GPR35: variants seen among roughly 807,000 people sequenced by gnomAD.
The protein encoded by GPR35 is G protein-coupled receptor 35.
For synonymous variants in GPR35, 207 were observed against 198.4 expected, an observed-to-expected ratio of 1.04 and a Z score of -0.36; for missense variants, 372 against 422.5, an observed-to-expected ratio of 0.88 and a Z score of 1.05.
intron 2 of GPR35, among the ~76,000 whole-genome samples, chr2:240,613,723 AT>A (rs1299374640): frequency 6.6e-6 from 1 of 151,982 alleles, no homozygotes; most frequent in African/African-American, 2.4e-5. Context: ...CTTAAAGCTA[AT>A]TAACAATGCC....
Position 240,617,491 on chromosome 2 carries a change from A to G in GPR35, c.-149+98A>G. 6.2e-6 allele frequency: 3 copies of G among 484,678 alleles called. No individual in the cohort carries two copies. In the East Asian group the frequency reaches 1.1e-4, roughly 17 times the overall value. 30.0% of individuals were successfully genotyped at this position (484,678 alleles called of 1,614,324 possible). On this transcript the variant is annotated intron_variant, in intron 4 of 5. Coordinates refer to the GPR35 transcript ENST00000319838. ...GTTTCATTCATCCATCAGGGTTTGC[A>G]AAGTAGTGATATTCTACTTCTGTCT...
At chr2:240,624,842 G>C (rs2043350682), upstream of GPR35, among the ~76,000 whole-genome samples, 1 of 151,862 alleles carries the variant, frequency 6.6e-6, no homozygotes, top group Admixed American at 6.6e-5. Flanking sequence ...TTCTAGACCA[G>C]ATAGGGGTGG....
upstream of GPR35, among the ~76,000 whole-genome samples, chr2:240,621,332 A>G (rs768965715): frequency 3.9e-5 from 6 of 151,992 alleles, no homozygotes; most frequent in Non-Finnish European, 8.8e-5. Flanking sequence ...TCGGCTCACC[A>G]CAACCTCCGC....
At position 240,630,870 on chromosome 2, in the gene GPR35, G is replaced by A. The variant is rs765923821; in HGVS notation, c.918G>A (p.Val306=). The change falls in exon 2 of 2, where the codon GTG becomes GTA. Residue 306 remains valine (V), a synonymous_variant. Coordinates refer to ENST00000407714, the MANE Select transcript of GPR35 (RefSeq NM_005301.5). ...KAHKSQDSLC[V]TLA is the part of the protein sequence containing the mutation. The stretch of plus-strand genomic sequence containing the variant: ...ACAAAAGCCAGGACTCTCTGTGCGT[G>A]ACCCTCGCCTAAGAGGCGTGCTGTG... 6.2e-7 allele frequency: 1 copy of A among 1,611,710 alleles called. No individual in the cohort carries two copies. The highest frequency in any genetic ancestry group is 2.2e-5 in the East Asian group (1 of 44,836).
At chr2:240,620,029 C>T (rs562646243) in intron 5 of GPR35, among the ~76,000 whole-genome samples, 9 of 152,278 alleles carry the variant, frequency 5.9e-5, no homozygotes, top group Non-Finnish European at 1.0e-4. Flanking sequence ...GAGCCTTGTG[C>T]AGAGGAAGGG....
Position 240,632,376 on chromosome 2 carries a change from G to T in GPR35, c.*1494G>T, listed in dbSNP as rs558905398. On this transcript the variant is annotated 3_prime_UTR_variant, in exon 2 of 2. Coordinates refer to ENST00000407714, the MANE Select transcript of GPR35 (RefSeq NM_005301.5). ...GTCCAGGAGGCTCCATGCCCAGGAG[G>T]CTCCATGTCAAGAAAGATTCATGCC... 1.1e-3 allele frequency among the ~76,000 whole-genome samples: 162 copies of T among 152,052 alleles called. 1 individual carries two copies. Among genetic ancestry groups the T allele is most frequent in the Non-Finnish European group, 1.8e-3 (122 of 67,962 alleles).
At chr2:240,615,032 CTG>C (rs764553824) in intron 2 of GPR35, among the ~76,000 whole-genome samples, 10 of 151,742 alleles carry the variant, frequency 6.6e-5, no homozygotes, top group East Asian at 5.8e-4. Context: ...TGTGATGTGT[CTG>C]TTTTTATGTG....
chr2:240,619,359 G>A lies in GPR35; in HGVS notation c.-5+328G>A, dbSNP rs527828192. Among the ~76,000 whole-genome samples the A allele has an allele frequency of 2.0e-5, 3 of 152,362 alleles. No homozygotes were observed. The East Asian group carries it at 5.8e-4, about 29-fold the overall frequency. Reference sequence around the variant, plus strand: ...GGAGCAATTTACATCTCCTCTGTGAGCGTCTACTCCCATCTCTATCAGCAG... The same window carrying A: ...GGAGCAATTTACATCTCCTCTGTGAACGTCTACTCCCATCTCTATCAGCAG... On this transcript the variant is annotated intron_variant, in intron 5 of 5. Coordinates refer to the GPR35 transcript ENST00000319838.
chr2:240,619,797 C>T (rs1460356307), intron 5 of GPR35, among the ~76,000 whole-genome samples: 1 of 152,224 alleles, frequency 6.6e-6, no homozygotes, highest in African/African-American at 2.4e-5. Context: ...TGGCAGGCGG[C>T]CTCAGGCAGG....
chr2:240,624,635 C>T (rs2043348073), upstream of GPR35, among the ~76,000 whole-genome samples: 1 of 152,174 alleles, frequency 6.6e-6, no homozygotes, highest in South Asian at 2.1e-4. Flanking sequence ...CAGCCTATCC[C>T]AGCCGTTGAG....
intron 2 of GPR35, among the ~76,000 whole-genome samples, chr2:240,614,327 C>T (rs1049027525): frequency 1.3e-5 from 2 of 152,220 alleles, no homozygotes; most frequent in African/African-American, 4.8e-5. Flanking sequence ...AATTCTAACC[C>T]TAACTCCAAT....
intron 2 of GPR35, among the ~76,000 whole-genome samples, chr2:240,612,676 T>C (rs1283152887): frequency 6.6e-6 from 1 of 152,172 alleles, no homozygotes; most frequent in Non-Finnish European, 1.5e-5. Context: ...TCAGAGGAAT[T>C]TGCAAGACTG....
intron 5 of GPR35, chr2:240,619,104 C>A: frequency 1.5e-6 from 1 of 669,832 alleles, no homozygotes; most frequent in African/African-American, 1.8e-5. Flanking sequence ...AAAGATATTG[C>A]CAAATCCACC....
rs955459358 is a variant in GPR35 at position 240,630,430 on chromosome 2, G to A, written c.478G>A (p.Gly160Ser). The A allele has an allele frequency of 1.2e-5, 20 of 1,612,626 alleles. No individual in the cohort carries two copies. The highest frequency in any genetic ancestry group is 4.5e-5 in the East Asian group (2 of 44,884). Residue 160 changes from glycine (G) to serine (S), a missense_variant, in exon 2 of 2, where the codon GGC becomes AGC. By Grantham distance (56) the Gly-to-Ser change is moderately conservative. Transcript: ENST00000407714. ...ARWLLGIQEG[G>S]FCFRSTRHNF... ...CTGGCTCCTGGGGATTCAGGAGGGC[G>A]GCTTCTGCTTCAGGAGCACCCGGCA...
At chr2:240,612,924 T>A (rs2043198411) in intron 2 of GPR35, among the ~76,000 whole-genome samples, 1 of 152,180 alleles carries the variant, frequency 6.6e-6, no homozygotes, top group South Asian at 2.1e-4. Flanking sequence ...AGAGTCACTG[T>A]CCCCGACCTC....
upstream of GPR35, among the ~76,000 whole-genome samples, chr2:240,623,348 C>T (rs34272559): frequency 0.22 from 20,835 of 92,814 alleles, 3,443 homozygotes; most frequent in Middle Eastern, 0.28. Context: ...GTCGTGAGGG[C>T]GCAAACAGGT....
intron 1 of GPR35, chr2:240,605,585 C>T (rs1054649371): frequency 3.9e-5 from 6 of 152,338 alleles, no homozygotes; most frequent in Admixed American, 1.3e-4. Context: ...GTGTCGAGAT[C>T]CTGTGTCCTG....
intron 1 of GPR35, among the ~76,000 whole-genome samples, chr2:240,605,950 G>A (rs184996896): frequency 5.9e-5 from 9 of 152,260 alleles, no homozygotes; most frequent in African/African-American, 9.6e-5. Context: ...AAAGGCTTTG[G>A]CAGGCAGGCT....
At chr2:240,619,656 G>A (rs1280893627) in intron 5 of GPR35, among the ~76,000 whole-genome samples, 71 of 152,208 alleles carry the variant, frequency 4.7e-4, no homozygotes, top group Non-Finnish European at 2.2e-4. Context: ...CCAGCCACTG[G>A]GTGTTTATGG....
Sources: gnomAD v4.1 joint callset for allele counts (sites outside exome capture counted in the v4.1 genomes callset) on GRCh38, gnomAD v4.1.1 for gene constraint, MANE v1.5 for transcripts, NCBI Gene and HGNC (gene_info 2026-07-23, HGNC 2026-07-21) for gene names.